MAML3: variants seen among roughly 807,000 people sequenced by gnomAD.
MAML3 encodes the protein mastermind-like protein 3.
In MAML3, 27 loss-of-function variants were observed where a neutral mutation model predicts 101.9. The ratio of observed to expected loss-of-function variants is 0.27; its 90% CI spans 0.20 to 0.37. The LOEUF is 0.37. Ranked by LOEUF, MAML3 falls within the 10% of genes least tolerant of loss-of-function variation. The pLI is 1.00. For synonymous variants in MAML3, 501 were observed against 555.9 expected, an observed-to-expected ratio of 0.90 and a Z score of 1.39; for missense variants, 1,316 against 1,444.9, an observed-to-expected ratio of 0.91 and a Z score of 1.45.
At chr4:140,086,957 C>T (rs1427121803) in intron 1 of MAML3, among the ~76,000 whole-genome samples, 5 of 152,080 alleles carry the variant, frequency 3.3e-5, no homozygotes, top group Non-Finnish European at 5.9e-5. Context: ...ATCAGGAGTT[C>T]GAGACCGGCA....
At chr4:139,781,622 A>AC (rs1429672299) in intron 2 of MAML3, among the ~76,000 whole-genome samples, 2 of 151,574 alleles carry the variant, frequency 1.3e-5, no homozygotes, top group Non-Finnish European at 2.9e-5. Flanking sequence ...TATTGTTCTA[A>AC]TTTCACAGGT....
chr4:140,076,529 C>G (rs970773673), intron 1 of MAML3, among the ~76,000 whole-genome samples: 5 of 152,188 alleles, frequency 3.3e-5, no homozygotes, highest in African/African-American at 4.8e-5. Flanking sequence ...TCTTCAAAGT[C>G]TTAGGCTCCA....
intron 2 of MAML3, among the ~76,000 whole-genome samples, chr4:139,782,172 AT>A (rs1730228225): frequency 6.6e-6 from 1 of 152,064 alleles, no homozygotes; most frequent in Admixed American, 6.5e-5. Flanking sequence ...TTTTATTATG[AT>A]TTTTTTAGAG....
intron 2 of MAML3, among the ~76,000 whole-genome samples, chr4:139,832,408 G>A (rs556456119): frequency 2.0e-5 from 3 of 151,986 alleles, no homozygotes; most frequent in East Asian, 3.9e-4. Context: ...CACCGCACCT[G>A]GCCCCTCCCA....
intron 1 of MAML3, among the ~76,000 whole-genome samples, chr4:140,093,416 G>GT (rs561107578): frequency 0.24 from 29,146 of 121,404 alleles, 4,356 homozygotes; most frequent in South Asian, 0.32. Flanking sequence ...ATGTTTGTTT[G>GT]TTTTTTTTTT....
intron 2 of MAML3, among the ~76,000 whole-genome samples, chr4:139,882,444 A>G (rs149127619): frequency 1.4e-3 from 209 of 152,294 alleles, no homozygotes; most frequent in African/African-American, 4.8e-3. Flanking sequence ...AAAAAAAAAC[A>G]GGTTACACAC....
chr4:140,128,287 G>C (rs932943360), intron 1 of MAML3, among the ~76,000 whole-genome samples: 1 of 152,164 alleles, frequency 6.6e-6, no homozygotes, highest in Non-Finnish European at 1.5e-5. Context: ...TCATAGGTTT[G>C]AGAAGAGTTT....
At chr4:140,147,916 ATGTG>A (rs5862457) in intron 1 of MAML3, among the ~76,000 whole-genome samples, 12,741 of 150,966 alleles carry the variant, frequency 0.084, 794 homozygotes, top group East Asian at 0.25. Flanking sequence ...GAATGAGTGA[ATGTG>A]TGTGTGTGTG....
At chr4:139,953,497 GT>G (rs1733865218) in intron 1 of MAML3, among the ~76,000 whole-genome samples, 1 of 152,112 alleles carries the variant, frequency 6.6e-6, no homozygotes, top group African/African-American at 2.4e-5. Flanking sequence ...ATGGTGGCAG[GT>G]GCCTGTAATC....
Position 140,016,400 on chromosome 4 carries a change from C to G in MAML3, c.469-125433G>C, listed in dbSNP as rs139149379. 1.8e-3 allele frequency among the ~76,000 whole-genome samples: 270 copies of G among 152,042 alleles called. 1 individual carries two copies. Among genetic ancestry groups the G allele is most frequent in the African/African-American group, 6.2e-3 (257 of 41,462 alleles). ...TTTAAAACAGTTCTTACCAAAATCCCAGCAATAGATTTGTAGATGAAGACA... is the reference window on the plus strand; with the variant it reads ...TTTAAAACAGTTCTTACCAAAATCCGAGCAATAGATTTGTAGATGAAGACA... On this transcript the variant is annotated intron_variant, in intron 1 of 4. Transcript: ENST00000509479.
intron 2 of MAML3, among the ~76,000 whole-genome samples, chr4:139,862,721 A>G (rs1429290334): frequency 6.6e-6 from 1 of 152,220 alleles, no homozygotes; most frequent in African/African-American, 2.4e-5. Flanking sequence ...TAATAAGTCA[A>G]TGAATACCCA....
intron 2 of MAML3, among the ~76,000 whole-genome samples, chr4:139,866,229 T>C (rs1300804220): frequency 6.6e-6 from 1 of 152,234 alleles, no homozygotes; most frequent in Non-Finnish European, 1.5e-5. Flanking sequence ...GCTTGAAGTA[T>C]AACAATTAAG....
intron 1 of MAML3, among the ~76,000 whole-genome samples, chr4:139,942,172 A>G (rs1385961618): frequency 6.4e-5 from 4 of 62,720 alleles, no homozygotes; most frequent in Admixed American, 4.5e-4. Context: ...GAGGGAGGGA[A>G]GGCAGGCAGG....
At position 140,041,351 on chromosome 4, in the gene MAML3, T is replaced by C. The variant is rs1727083330; in HGVS notation, c.468+111509A>G. ...CAGAGAGTGGAAGAGAGGCAGGGCA[T>C]GGTGGCTCACCTCTGTAATACCAGC... On this transcript the variant is annotated intron_variant, in intron 1 of 4. Transcript: ENST00000509479. 2.0e-5 allele frequency among the ~76,000 whole-genome samples: 3 copies of C among 152,052 alleles called. No homozygotes were observed. The South Asian group carries it at 6.2e-4, about 32-fold the overall frequency.
At chr4:140,055,712 T>C (rs546618395) in intron 1 of MAML3, among the ~76,000 whole-genome samples, 265 of 152,252 alleles carry the variant, frequency 1.7e-3, no homozygotes, top group African/African-American at 5.9e-3. Flanking sequence ...TTACACATCA[T>C]GAGTTCTTTC....
At chr4:140,098,822 A>C (rs1728202608) in intron 1 of MAML3, among the ~76,000 whole-genome samples, 1 of 152,164 alleles carries the variant, frequency 6.6e-6, no homozygotes, top group Non-Finnish European at 1.5e-5. Flanking sequence ...TAAGAGACAT[A>C]GGTTGCTGTC....
chr4:139,808,714 A>T (rs372792814), intron 2 of MAML3, among the ~76,000 whole-genome samples: 1 of 152,136 alleles, frequency 6.6e-6, no homozygotes, highest in African/African-American at 2.4e-5. Context: ...TCCCCTCCCA[A>T]ACTGTACTCA....
intron 2 of MAML3, among the ~76,000 whole-genome samples, chr4:139,746,448 T>G (rs1729322725): frequency 6.9e-6 from 1 of 145,322 alleles, no homozygotes; most frequent in African/African-American, 2.6e-5. Context: ...TTTAAAAATT[T>G]TCCTACCCCT....
intron 2 of MAML3, among the ~76,000 whole-genome samples, chr4:139,772,011 G>A (rs933887422): frequency 7.3e-5 from 11 of 150,712 alleles, no homozygotes; most frequent in East Asian, 5.9e-4. Flanking sequence ...AGGCCGAGGT[G>A]GGCGGATCAC....
Sources: gnomAD v4.1 joint callset for allele counts (sites outside exome capture counted in the v4.1 genomes callset) on GRCh38, gnomAD v4.1.1 for gene constraint, MANE v1.5 for transcripts, NCBI Gene and HGNC (gene_info 2026-07-23, HGNC 2026-07-21) for gene names.